TMEM108: variants seen among roughly 807,000 people sequenced by gnomAD.
TMEM108 encodes cancer/testis antigen 124.
TMEM108 carries 12 observed loss-of-function variants against 35.1 expected under a neutral mutation model. The observed-to-expected ratio is 0.34, with a 90% CI of 0.22 to 0.55. The LOEUF is 0.55. TMEM108 is among the 20% of genes least tolerant of loss of function. The pLI is 0.89. For synonymous variants in TMEM108, 287 were observed against 308.6 expected (o/e 0.93, Z 0.73); for missense variants, 680 against 753.3 (o/e 0.90, Z 1.14).
At chr3:133,211,367 TTTTCAGGCATTGCAAAA>T (rs1945831847) in intron 2 of TMEM108, among the ~76,000 whole-genome samples, 1 of 152,198 alleles carries the variant, frequency 6.6e-6, no homozygotes, top group Non-Finnish European at 1.5e-5. Flanking sequence ...CTGAAGATAT[TTTTCAGGCATTGCAAAA>T]GAAAAAAGAA....
intron 3 of TMEM108, among the ~76,000 whole-genome samples, chr3:133,315,169 C>T (rs568515590): frequency 6.6e-6 from 1 of 152,276 alleles, no homozygotes; most frequent in Non-Finnish European, 1.5e-5. Flanking sequence ...TGTCCTTATC[C>T]TATTATTCTA....
At chr3:133,178,778 G>A (rs1468907312) in intron 2 of TMEM108, among the ~76,000 whole-genome samples, 3 of 152,154 alleles carry the variant, frequency 2.0e-5, no homozygotes, top group Admixed American at 2.0e-4. Flanking sequence ...AACACCAAAA[G>A]CAATGGCAAC....
intron 3 of TMEM108, among the ~76,000 whole-genome samples, chr3:133,370,469 T>C (rs1205620721): frequency 6.6e-6 from 1 of 152,214 alleles, no homozygotes; most frequent in Admixed American, 6.5e-5. Flanking sequence ...ATGCTGGCCT[T>C]GACCACCTGG....
intron 2 of TMEM108, among the ~76,000 whole-genome samples, chr3:133,190,834 G>A (rs1458277192): frequency 6.6e-6 from 1 of 152,046 alleles, no homozygotes; most frequent in Non-Finnish European, 1.5e-5. Context: ...TTTCTTCCTC[G>A]CTCTTATGAA....
rs1943881765 is a variant in TMEM108, at chr3:133,086,336, A to G, written c.-47+40316A>G. ...TCTTTTGCCATCTGTAAAGTGAAGC[A>G]AAACTTGTAAGTTTGAGGTAAGCAT... On this transcript the variant is annotated intron_variant, in intron 2 of 5. Coordinates refer to ENST00000321871, the MANE Select transcript of TMEM108 (RefSeq NM_023943.4). 5.3e-5 allele frequency among the ~76,000 whole-genome samples: 8 copies of G among 152,172 alleles called. No homozygotes were observed. In the South Asian group the frequency reaches 1.7e-3, roughly 32 times the overall value.
intron 3 of TMEM108, among the ~76,000 whole-genome samples, chr3:133,232,185 T>TA: frequency 6.6e-6 from 1 of 152,312 alleles, no homozygotes; most frequent in Non-Finnish European, 1.5e-5. Flanking sequence ...GTTGAAATTT[T>TA]ATCCCGTTTT....
intron 2 of TMEM108, among the ~76,000 whole-genome samples, chr3:133,135,466 G>A (rs1178243099): frequency 1.3e-5 from 2 of 152,326 alleles, no homozygotes; most frequent in East Asian, 1.9e-4. Flanking sequence ...TCAGTGGGCT[G>A]GAGCTTAGGC....
chr3:133,379,738 G>A lies in TMEM108; in HGVS notation c.41-14G>A, dbSNP rs370477688. The stretch of plus-strand genomic sequence containing the variant: ...CCCAAGTATTTTACCTCTTCTCTCT[G>A]TCTCCTTTTCAAGGTTTCCTGCTGA... On this transcript the variant is annotated splice_polypyrimidine_tract_variant and intron_variant, in intron 3 of 5. Transcript: ENST00000321871. 117 of 1,609,716 alleles carry A rather than the reference G, an allele frequency of 7.3e-5. 1 individual carries two copies. In the African/African-American group the frequency reaches 1.4e-3, roughly 19 times the overall value.
intron 2 of TMEM108, among the ~76,000 whole-genome samples, chr3:133,059,745 A>C (rs1559819286): frequency 6.9e-6 from 1 of 144,940 alleles, no homozygotes; most frequent in African/African-American, 2.9e-5. Flanking sequence ...CATTACATAC[A>C]AAAATCATTG....
At chr3:133,301,838 T>G (rs1947229646) in intron 3 of TMEM108, among the ~76,000 whole-genome samples, 1 of 152,170 alleles carries the variant, frequency 6.6e-6, no homozygotes, top group African/African-American at 2.4e-5. Flanking sequence ...CTTTACATTA[T>G]CACTCTTCCT....
At chr3:133,196,148 G>A (rs988389252) in intron 2 of TMEM108, among the ~76,000 whole-genome samples, 24 of 152,088 alleles carry the variant, frequency 1.6e-4, no homozygotes, top group Non-Finnish European at 2.8e-4. Context: ...TATGTCTATG[G>A]CCTCCTTGAC....
At chr3:133,221,268 G>A (rs981311198) in intron 2 of TMEM108, among the ~76,000 whole-genome samples, 1 of 152,164 alleles carries the variant, frequency 6.6e-6, no homozygotes, top group East Asian at 1.9e-4. Flanking sequence ...CCCCACCCAG[G>A]AGCCCACCAA....
At chr3:133,341,851 C>G (rs1255276472) in intron 3 of TMEM108, among the ~76,000 whole-genome samples, 5 of 151,722 alleles carry the variant, frequency 3.3e-5, no homozygotes, top group Admixed American at 3.3e-4. Flanking sequence ...GAAACTAGAC[C>G]CCCATCTTTC....
intron 2 of TMEM108, among the ~76,000 whole-genome samples, chr3:133,108,816 A>T (rs1412623756): frequency 2.2e-5 from 3 of 135,690 alleles, no homozygotes; most frequent in Non-Finnish European, 4.7e-5. Flanking sequence ...GAAGGGGAAC[A>T]TCACACTCCG....
intron 2 of TMEM108, among the ~76,000 whole-genome samples, chr3:133,179,912 T>C (rs1945306166): frequency 6.6e-6 from 1 of 151,740 alleles, no homozygotes; most frequent in Non-Finnish European, 1.5e-5. Flanking sequence ...CCTTATGAAT[T>C]ACACCTCAAT....
intron 2 of TMEM108, among the ~76,000 whole-genome samples, chr3:133,082,303 A>G (rs1943821836): frequency 6.6e-6 from 1 of 152,210 alleles, no homozygotes; most frequent in Admixed American, 6.5e-5. Context: ...GCGGCACTGA[A>G]TGCTCTGCAG....
At chr3:133,189,131 T>C (rs952365934) in intron 2 of TMEM108, among the ~76,000 whole-genome samples, 1 of 152,250 alleles carries the variant, frequency 6.6e-6, no homozygotes, top group Non-Finnish European at 1.5e-5. Flanking sequence ...TCTTCCTTGG[T>C]TCTCTTTCCT....
At chr3:133,330,559 G>A (rs1222863497) in intron 3 of TMEM108, among the ~76,000 whole-genome samples, 1 of 152,194 alleles carries the variant, frequency 6.6e-6, no homozygotes, top group African/African-American at 2.4e-5. Context: ...TTACAAGAAA[G>A]TGATTACACA....
At chr3:133,057,351 A>T (rs939015268) in intron 2 of TMEM108, among the ~76,000 whole-genome samples, 12 of 99,600 alleles carry the variant, frequency 1.2e-4, no homozygotes, top group African/African-American at 3.4e-4. Flanking sequence ...TTTTCTACTC[A>T]AAGTAAGAAT....
Sources: gnomAD v4.1 joint callset for allele counts (sites outside exome capture counted in the v4.1 genomes callset) on GRCh38, gnomAD v4.1.1 for gene constraint, MANE v1.5 for transcripts, NCBI Gene and HGNC (gene_info 2026-07-23, HGNC 2026-07-21) for gene names.